BACE2: variants seen among roughly 807,000 people sequenced by gnomAD.
The protein encoded by BACE2 is beta-secretase 2.
BACE2 carries 17 observed loss-of-function variants against 46.2 expected under a neutral mutation model. The observed-to-expected ratio is 0.37, with a 90% CI of 0.25 to 0.55. The LOEUF (loss-of-function observed/expected upper bound fraction) is 0.55, where lower values mean the gene tolerates loss of function less well. BACE2 is among the 20% of genes least tolerant of loss of function. BACE2 has a pLI of 0.82. For missense variants in BACE2, 595 were observed against 698.1 expected (o/e 0.85, Z 1.66); for synonymous variants, 277 against 295.9 (o/e 0.94, Z 0.66).
chr21:41,242,915 AT>A (rs2123603977), intron 4 of BACE2, among the ~76,000 whole-genome samples: 1 of 151,854 alleles, frequency 6.6e-6, no homozygotes, highest in African/African-American at 2.4e-5. Context: ...ATTTTATTTC[AT>A]TTATTATTAT....
intron 1 of BACE2, among the ~76,000 whole-genome samples, chr21:41,201,626 A>G (rs191509019): frequency 2.5e-3 from 375 of 152,366 alleles, no homozygotes; most frequent in Non-Finnish European, 4.6e-3. Context: ...GCCAGCTCAA[A>G]TCCCTATTAG....
At chr21:41,224,623 A>G (rs1986755891) in intron 1 of BACE2, among the ~76,000 whole-genome samples, 1 of 152,246 alleles carries the variant, frequency 6.6e-6, no homozygotes. Flanking sequence ...GACTTGGGAT[A>G]GATGCTGGGC....
At chr21:41,255,519 T>G (rs1987757298) in intron 7 of BACE2, among the ~76,000 whole-genome samples, 1 of 152,160 alleles carries the variant, frequency 6.6e-6, no homozygotes, top group Non-Finnish European at 1.5e-5. Context: ...ACGAAGTGAT[T>G]AGTGGTCAGC....
Position 41,281,149 on chromosome 21 carries a change from G to T in BACE2, c.*5525G>T, listed in dbSNP as rs1342694412. 6.6e-6 allele frequency: 1 copy of T among 152,248 alleles called. No homozygotes were observed. The highest frequency in any genetic ancestry group is 2.4e-5 in the African/African-American group (1 of 41,458). 9.4% of individuals were successfully genotyped at this position (152,248 alleles called of 1,614,324 possible). A position where few individuals can be genotyped will look rare whatever the true frequency, so the allele number is the denominator to read the frequency against. On this transcript the variant is annotated 3_prime_UTR_variant, in exon 9 of 9. Coordinates refer to ENST00000330333, the MANE Select transcript of BACE2 (RefSeq NM_012105.5). ...TCAGGGCAGCCCTGAGAAGTGAGCAGTTCCCTTTACAGATGGATAATTGTT... is the reference window on the plus strand; with the variant it reads ...TCAGGGCAGCCCTGAGAAGTGAGCATTTCCCTTTACAGATGGATAATTGTT...
intron 1 of BACE2, among the ~76,000 whole-genome samples, chr21:41,217,658 G>A (rs1986514203): frequency 6.6e-6 from 1 of 152,236 alleles, no homozygotes; most frequent in African/African-American, 2.4e-5. Flanking sequence ...CCCTCCCAGT[G>A]ATGGTTTAGG....
rs1350061995 is a variant in BACE2 at position 41,246,042 on chromosome 21, A to G, written c.963A>G (p.Glu321=). 3.1e-6 allele frequency: 5 copies of G among 1,607,714 alleles called. No individual in the cohort carries two copies. The highest frequency in any genetic ancestry group is 4.2e-6 in the Non-Finnish European group (5 of 1,177,142). Residue 321 remains glutamate, a synonymous_variant, in exon 6 of 9, where the codon GAA becomes GAG. Transcript: ENST00000330333. ...AGAAGGTGTTTGATGCGGTGGTGGA[A>G]GCTGTGGCCCGCGCATCTCTGGTGA... The part of the protein sequence containing the change: ...LPQKVFDAVV[E]AVARASLIPE...
At chr21:41,178,759 CAT>C in intron 1 of BACE2, 1 of 190,960 alleles carries the variant, frequency 5.2e-6, no homozygotes, top group South Asian at 1.1e-4. Flanking sequence ...GCACCTACTG[CAT>C]GTCAGGGCCT....
At chr21:41,174,834 G>T (rs971378129) in intron 1 of BACE2, among the ~76,000 whole-genome samples, 3 of 152,138 alleles carry the variant, frequency 2.0e-5, no homozygotes, top group African/African-American at 7.2e-5. Context: ...CACCCTGTTT[G>T]CCCAGCCTTG....
chr21:41,259,196 A>T (rs1987865814), intron 8 of BACE2, among the ~76,000 whole-genome samples: 1 of 152,102 alleles, frequency 6.6e-6, no homozygotes, highest in African/African-American at 2.4e-5. Context: ...TTTTCCCTGA[A>T]TTTCACTGTG....
At chr21:41,224,005 T>A (rs1454187049) in intron 1 of BACE2, among the ~76,000 whole-genome samples, 1 of 151,040 alleles carries the variant, frequency 6.6e-6, no homozygotes, top group Non-Finnish European at 1.5e-5. Context: ...AAGTGAGGAG[T>A]CAGAGAAGGA....
At chr21:41,265,173 C>CT (rs78649572) in intron 8 of BACE2, among the ~76,000 whole-genome samples, 11,712 of 123,184 alleles carry the variant, frequency 0.095, 600 homozygotes, top group East Asian at 0.17. Context: ...AAAGTCCTTC[C>CT]TTTTTTTTTT....
intron 4 of BACE2, among the ~76,000 whole-genome samples, chr21:41,242,359 A>G (rs202119456): frequency 3.4e-5 from 5 of 146,908 alleles, no homozygotes; most frequent in Admixed American, 2.8e-4. Context: ...CTCTCTCTCA[A>G]CACACACAGG....
intron 4 of BACE2, among the ~76,000 whole-genome samples, chr21:41,242,867 G>T (rs1469810459): frequency 1.3e-5 from 2 of 152,124 alleles, no homozygotes; most frequent in Admixed American, 1.3e-4. Context: ...GACCTTTGCA[G>T]ACGTGGACCC....
chr21:41,169,069 C>T (rs1984499280), intron 1 of BACE2, among the ~76,000 whole-genome samples: 1 of 149,476 alleles, frequency 6.7e-6, no homozygotes, highest in Admixed American at 6.7e-5. Context: ...GCGCAGTACC[C>T]TTTAAAAAGG....
rs1009500306 is a variant in BACE2, at chr21:41,267,493, A to T, written c.1304-7878A>T. ...GAGACATTTAGCACCCAAGAGCTGT[A>T]TAGATCTCAGCTTGTACAACTTGAG... On this transcript the variant is annotated intron_variant, in intron 8 of 8. Transcript: ENST00000330333. Among the ~76,000 whole-genome samples, 53 of 152,172 alleles carry T rather than the reference A, an allele frequency of 3.5e-4. 1 individual carries two copies. The highest frequency in any genetic ancestry group is 3.5e-3 in the Admixed American group (53 of 15,284).
Position 41,226,366 on chromosome 21 carries a change from C to A in BACE2, c.401+12C>A. The A allele has an allele frequency of 6.2e-7, 1 of 1,609,152 alleles. No individual in the cohort carries two copies. Among genetic ancestry groups the A allele is most frequent in the Non-Finnish European group, 8.5e-7 (1 of 1,178,316 alleles). ...TTTGACACAGAGAGGTAAGCGCTGG[C>A]CCCTTGGCTGGTGTGCTGGGCCGGG... On this transcript the variant is annotated intron_variant, in intron 2 of 8. Coordinates refer to ENST00000330333, the MANE Select transcript of BACE2 (RefSeq NM_012105.5).
At position 41,275,780 on chromosome 21, in the gene BACE2, T is replaced by C. The variant is rs1179541310; in HGVS notation, c.*156T>C. The C allele has an allele frequency of 2.3e-6, 2 of 861,850 alleles. No individual in the cohort carries two copies. Among genetic ancestry groups the C allele is most frequent in the South Asian group, 3.8e-5 (2 of 52,202 alleles). The allele number at this position is 861,850 out of a possible 1,614,324, so 53.4% of individuals were successfully genotyped here. A position where few individuals can be genotyped will look rare whatever the true frequency, so the allele number is the denominator to read the frequency against. ...GATGCCTTCTAGATTCACTGTCTTT[T>C]GATTCTTGATTTTCAAGCTTTCAAA... On this transcript the variant is annotated 3_prime_UTR_variant, in exon 9 of 9. Coordinates refer to ENST00000330333, the MANE Select transcript of BACE2 (RefSeq NM_012105.5).
At chr21:41,178,960 C>G (rs1345083221) in intron 1 of BACE2, 1 of 584,876 alleles carries the variant, frequency 1.7e-6, no homozygotes, top group African/African-American at 2.0e-5. Flanking sequence ...TTATGGAAGA[C>G]CTCTCTGAGG....
intron 4 of BACE2, among the ~76,000 whole-genome samples, chr21:41,242,905 A>G (rs1325097158): frequency 1.3e-5 from 2 of 151,912 alleles, no homozygotes; most frequent in Non-Finnish European, 2.9e-5. Flanking sequence ...ATTTTATTTT[A>G]TTTTATTTCA....
Sources: allele counts gnomAD v4.1 joint callset (sites outside exome capture counted in the v4.1 genomes callset), GRCh38; gene constraint gnomAD v4.1.1; transcripts MANE v1.5; gene names NCBI Gene and HGNC (gene_info 2026-07-23, HGNC 2026-07-21).